TRPM3: variants seen among roughly 807,000 people sequenced by gnomAD.
TRPM3 encodes the protein transient receptor potential cation channel subfamily M member 3, also known as long transient receptor potential channel 3.
In TRPM3, 77 loss-of-function variants were observed where a neutral mutation model predicts 181.2. That is an observed-to-expected ratio of 0.42 (90% CI 0.35 to 0.51). TRPM3 has a LOEUF of 0.51. TRPM3 is among the 20% of genes least tolerant of loss of function. TRPM3 has a pLI of 0.01. For missense variants in TRPM3, 1,759 were observed against 2,196.7 expected, an observed-to-expected ratio of 0.80 and a Z score of 3.98; for synonymous variants, 745 against 796.4, an observed-to-expected ratio of 0.94 and a Z score of 1.09.
At chr9:71,018,948 G>A (rs2097813876) in intron 1 of TRPM3, among the ~76,000 whole-genome samples, 1 of 151,794 alleles carries the variant, frequency 6.6e-6, no homozygotes, top group Admixed American at 6.6e-5. Flanking sequence ...TTATAACCAA[G>A]TCAGGTTCAT....
At chr9:71,291,759 T>C (rs1016569115) in intron 1 of TRPM3, among the ~76,000 whole-genome samples, 3 of 152,076 alleles carry the variant, frequency 2.0e-5, no homozygotes, top group South Asian at 2.1e-4. Context: ...TAATTGATAT[T>C]ATAAAGCAAT....
chr9:71,211,164 T>C lies in TRPM3; in HGVS notation c.183+235489A>G, dbSNP rs567848456. ...TCAGACAGGTAGAAAAAAAATACAG[T>C]ACATTCAAGCTAGTCACTGCTTTCC... is the stretch of plus-strand genomic sequence containing the variant. On this transcript the variant is annotated intron_variant, in intron 1 of 24. Transcript: ENST00000357533. 5.1e-4 allele frequency among the ~76,000 whole-genome samples: 77 copies of C among 152,268 alleles called. No individual in the cohort carries two copies. In the Middle Eastern group the frequency reaches 0.01, roughly 20 times the overall value.
Position 70,598,515 on chromosome 9 carries a change from G to A in TRPM3, c.2952C>T (p.Ile984=). 1 of 1,614,230 alleles carries A rather than the reference G, an allele frequency of 6.2e-7. No individual in the cohort carries two copies. Among genetic ancestry groups the A allele is most frequent in the South Asian group, 1.1e-5 (1 of 91,090 alleles). The change falls in exon 21 of 26, where the codon ATC becomes ATT. Residue 984 remains isoleucine, a synonymous_variant. Transcript: ENST00000677713. ...ACCAGTAAATGATGTTCACGCAGTAGATGACCCTCCCGTCACTCCTGAAGG... is the reference window on the plus strand; with the variant it reads ...ACCAGTAAATGATGTTCACGCAGTAAATGACCCTCCCGTCACTCCTGAAGG... ...DQPFRSDGRV[I]YCVNIIYWYI...
intron 9 of TRPM3, among the ~76,000 whole-genome samples, chr9:70,652,271 C>T (rs1259197160): frequency 6.6e-6 from 1 of 151,862 alleles, no homozygotes; most frequent in East Asian, 1.9e-4. Context: ...ATTTTTAAGA[C>T]AGTTAATTTG....
intron 3 of TRPM3, among the ~76,000 whole-genome samples, chr9:70,852,160 GA>G (rs1029244039): frequency 1.2e-4 from 15 of 126,324 alleles, no homozygotes; most frequent in Admixed American, 5.5e-4. Flanking sequence ...AAAAAAGAGA[GA>G]AAAAAAATCC....
intron 1 of TRPM3, among the ~76,000 whole-genome samples, chr9:71,130,005 G>A (rs972766610): frequency 7.7e-4 from 118 of 152,258 alleles, no homozygotes; most frequent in African/African-American, 2.7e-3. Context: ...TGGAAAAAGG[G>A]ATGTTTCTAA....
At chr9:71,140,172 T>C (rs369951306) in intron 1 of TRPM3, among the ~76,000 whole-genome samples, 19 of 152,288 alleles carry the variant, frequency 1.2e-4, no homozygotes, top group African/African-American at 2.9e-4. Flanking sequence ...TGCAAGATAA[T>C]CAAATGCCTT....
chr9:71,297,509 G>T (rs1377735178), intron 1 of TRPM3, among the ~76,000 whole-genome samples: 1 of 152,152 alleles, frequency 6.6e-6, no homozygotes, highest in East Asian at 1.9e-4. Flanking sequence ...AAGCAAACAC[G>T]TCCTTCTTCA....
At chr9:70,982,434 T>C (rs1704785620) in intron 1 of TRPM3, among the ~76,000 whole-genome samples, 1 of 152,198 alleles carries the variant, frequency 6.6e-6, no homozygotes, top group South Asian at 2.1e-4. Flanking sequence ...TCTTCTCTCC[T>C]GGTAGATTAA....
intron 5 of TRPM3, among the ~76,000 whole-genome samples, chr9:70,842,628 C>T (rs1306477657): frequency 2.0e-5 from 3 of 151,956 alleles, no homozygotes; most frequent in Non-Finnish European, 4.4e-5. Flanking sequence ...GCGGAGAGTC[C>T]GTGTTTACTA....
chr9:71,164,501 G>A (rs975374345), intron 1 of TRPM3, among the ~76,000 whole-genome samples: 4 of 152,080 alleles, frequency 2.6e-5, no homozygotes, highest in Non-Finnish European at 4.4e-5. Flanking sequence ...AGAGAGTAGA[G>A]ACTGAAGGAA....
At chr9:71,407,092 C>T (rs1167177152) in intron 1 of TRPM3, among the ~76,000 whole-genome samples, 1 of 152,144 alleles carries the variant, frequency 6.6e-6, no homozygotes, top group Non-Finnish European at 1.5e-5. Context: ...TCGGAAAAAT[C>T]AATAACTTGA....
intron 3 of TRPM3, among the ~76,000 whole-genome samples, chr9:70,857,590 CA>C (rs2095419861): frequency 6.6e-6 from 1 of 152,116 alleles, no homozygotes; most frequent in Non-Finnish European, 1.5e-5. Flanking sequence ...TATTTCCCAA[CA>C]AAACATCTAA....
intron 1 of TRPM3, among the ~76,000 whole-genome samples, chr9:71,229,775 A>G (rs1289974146): frequency 6.6e-6 from 1 of 152,184 alleles, no homozygotes; most frequent in African/African-American, 2.4e-5. Flanking sequence ...TCCAAAAGAC[A>G]TGCAATAATA....
intron 1 of TRPM3, among the ~76,000 whole-genome samples, chr9:71,038,309 G>A (rs909619048): frequency 3.9e-5 from 6 of 152,254 alleles, no homozygotes; most frequent in African/African-American, 7.2e-5. Context: ...TACTAGTAAC[G>A]AAATAGAAGT....
intron 1 of TRPM3, among the ~76,000 whole-genome samples, chr9:71,233,700 G>A (rs1277032478): frequency 6.6e-6 from 1 of 152,144 alleles, no homozygotes; most frequent in African/African-American, 2.4e-5. Context: ...ATAAATTGTA[G>A]GTGTTATTAT....
intron 1 of TRPM3, among the ~76,000 whole-genome samples, chr9:71,287,578 T>C (rs1164941780): frequency 6.6e-6 from 1 of 151,020 alleles, no homozygotes; most frequent in African/African-American, 2.4e-5. Context: ...ATTCAACTGC[T>C]GGACTTCAAT....
At chr9:71,158,845 A>G (rs1022319460) in intron 1 of TRPM3, among the ~76,000 whole-genome samples, 2 of 152,118 alleles carry the variant, frequency 1.3e-5, no homozygotes, top group Non-Finnish European at 2.9e-5. Context: ...TGAAAGCATG[A>G]ATAGAACTAA....
intron 8 of TRPM3, among the ~76,000 whole-genome samples, chr9:70,701,538 A>G (rs1289261908): frequency 2.6e-4 from 40 of 152,092 alleles, no homozygotes; most frequent in Admixed American, 2.6e-3. Context: ...TCAGGCTTCA[A>G]ATTAGTCTTT....
Sources: gnomAD v4.1 joint callset for allele counts (sites outside exome capture counted in the v4.1 genomes callset) on GRCh38, gnomAD v4.1.1 for gene constraint, MANE v1.5 for transcripts, NCBI Gene and HGNC (gene_info 2026-07-23, HGNC 2026-07-21) for gene names.